EXOSC5: variants seen among roughly 807,000 people sequenced by gnomAD.
EXOSC5 encodes the protein exosome component 5.
In EXOSC5, 15 loss-of-function variants were observed where a neutral mutation model predicts 23.7. That is an observed-to-expected ratio of 0.63 (90% confidence interval 0.42 to 0.97). The LOEUF (loss-of-function observed/expected upper bound fraction) is 0.97. Ranked by LOEUF, EXOSC5 falls within the 50% of genes least tolerant of loss-of-function variation. The pLI, the probability that EXOSC5 is intolerant of heterozygous loss-of-function variation, is 0.00. For synonymous variants in EXOSC5, 143 were observed against 140.9 expected (o/e 1.02, Z -0.11); for missense variants, 305 against 316.3 (o/e 0.96, Z 0.27).
chr19:41,386,577 G>C lies in EXOSC5; in HGVS notation c.*56C>G, dbSNP rs1425068627. ...AGGCTGGGCTGCTGGTTTGCTTCAG[G>C]CTGTAGGGGGTGAGTGGGTGGAGGC... is the stretch of plus-strand genomic sequence containing the variant. On this transcript the variant is annotated 3_prime_UTR_variant, in exon 6 of 6. Coordinates refer to ENST00000221233, the MANE Select transcript of EXOSC5 (RefSeq NM_020158.4). The C allele has an allele frequency of 6.6e-7, 1 of 1,519,514 alleles. No individual in the cohort carries two copies. The allele number at this position is 1,519,514 out of a possible 1,614,324, so 94.1% of individuals were successfully genotyped here.
At chr19:41,390,696 G>C (rs2123222374) in intron 3 of EXOSC5, among the ~76,000 whole-genome samples, 1 of 152,266 alleles carries the variant, frequency 6.6e-6, no homozygotes, top group East Asian at 1.9e-4. Context: ...AGAGAGCACA[G>C]GTTGGGAGTC....
At position 41,391,860 on chromosome 19, in the gene EXOSC5, A is replaced by T. The variant is rs769484149; in HGVS notation, c.365T>A (p.Val122Asp). The T allele has an allele frequency of 2.1e-5, 32 of 1,528,732 alleles. No homozygotes were observed. Among genetic ancestry groups the T allele is most frequent in the African/African-American group, 5.8e-5 (4 of 69,150 alleles). 94.7% of individuals were successfully genotyped at this position (1,528,732 alleles called of 1,614,324 possible). ...PRTSITVVLQ[V>D]VSDAGSLLAC... Reference sequence around the variant, plus strand: ...GGATACAGAGCCGGCATCGCTGACAACCTGCAGCACCACGGTGATGGAGGT... The same window carrying T: ...GGATACAGAGCCGGCATCGCTGACATCCTGCAGCACCACGGTGATGGAGGT... The change falls in exon 3 of 6, where the codon GTT (valine) becomes GAT (aspartate). Residue 122 changes from valine to aspartate, a missense_variant. Physicochemically the swap from Val to Asp is radical, Grantham distance 152. Transcript: ENST00000221233.
intron 1 of EXOSC5, among the ~76,000 whole-genome samples, chr19:41,396,815 A>C (rs2039069797): frequency 9.0e-6 from 1 of 110,830 alleles, no homozygotes; most frequent in Non-Finnish European, 1.7e-5. Flanking sequence ...TCAGTCCGGG[A>C]TGCAAGGACC....
At chr19:41,387,752 CT>C (rs2038994833) in intron 4 of EXOSC5, 149 bp from the exon 5 acceptor site, 1 of 375,590 alleles carries the variant, frequency 2.7e-6, no homozygotes, top group South Asian at 8.3e-5. Context: ...AGGCCAGAAA[CT>C]CAAGACCAAT....
At position 41,386,703 on chromosome 19, in the gene EXOSC5, G is replaced by T; in HGVS notation, c.638C>A (p.Ala213Asp). 1 of 1,599,594 alleles carries T rather than the reference G, an allele frequency of 6.3e-7. No homozygotes were observed. Residue 213 changes from alanine (A) to aspartate (D), a missense_variant, in exon 6 of 6, where the codon GCC (alanine) becomes GAC (aspartate). Transcript: ENST00000221233. ...GAAGACGTGTTGCGAAGCGGCCTGG[G>T]CCGCAGCCAGGCACTGCTGGAGCTG... is the stretch of plus-strand genomic sequence containing the variant. The part of the protein sequence containing the change: ...DTELQQCLAA[A>D]QAASQHVFRF...
In EXOSC5 at chr19:41,397,320, C is replaced by G. The variant is rs1264931348; in HGVS notation, c.9G>C (p.Glu3Asp). The change falls in exon 1 of 6, where the codon GAG becomes GAC. Residue 3 changes from glutamate to aspartate, a missense_variant. Coordinates refer to ENST00000221233, the MANE Select transcript of EXOSC5 (RefSeq NM_020158.4). ...GGATTTTGGCGTCAGTATGCGTCTC[C>G]TCCTCCATCGCGCCGAGCCCACGTG... ME[E>D]ETHTDAKIRA... 1 of 1,612,466 alleles carries G rather than the reference C, an allele frequency of 6.2e-7. No homozygotes were observed.
intron 2 of EXOSC5, 27 bp from the exon 3 acceptor site, chr19:41,391,989 G>A (rs750516321): frequency 2.5e-6 from 4 of 1,568,996 alleles, no homozygotes; most frequent in Non-Finnish European, 1.7e-6. Context: ...GAGGTTCAGG[G>A]TCTTCCCCTT....
intron 4 of EXOSC5, among the ~76,000 whole-genome samples, 175 bp from the exon 5 acceptor site, chr19:41,387,778 G>A (rs967821007): frequency 2.1e-5 from 3 of 141,772 alleles, no homozygotes; most frequent in Admixed American, 7.2e-5. Context: ...GCAACAGAGG[G>A]AGACCCCATC....
chr19:41,394,074 G>A (rs1054215578), intron 1 of EXOSC5, among the ~76,000 whole-genome samples: 1 of 152,142 alleles, frequency 6.6e-6, no homozygotes, highest in African/African-American at 2.4e-5. Context: ...GGGTACAGGA[G>A]GTAAAACCTA....
rs2039078784 is a variant in EXOSC5 at position 41,397,285 on chromosome 19, T to C, written c.44A>G (p.Asn15Ser). ...THTDAKIRAENGTGSSPRGPG... is the reference protein window; with the variant it reads ...THTDAKIRAESGTGSSPRGPG... The stretch of plus-strand genomic sequence containing the variant: ...ACCCCGAGGGCTGGACCCTGTTCCA[T>C]TTTCAGCACGGATTTTGGCGTCAGT... Residue 15 changes from asparagine to serine, a missense_variant, in exon 1 of 6, where the codon AAT becomes AGT. Physicochemically the swap from Asn to Ser is conservative, Grantham distance 46 (BLOSUM62 1). Transcript: ENST00000221233. The C allele has an allele frequency of 4.3e-6, 7 of 1,613,918 alleles. No homozygotes were observed. The highest frequency in any genetic ancestry group is 5.9e-6 in the Non-Finnish European group (7 of 1,179,816).
chr19:41,396,816 T>G (rs964253937), intron 1 of EXOSC5, among the ~76,000 whole-genome samples: 35 of 108,886 alleles, frequency 3.2e-4, no homozygotes, highest in African/African-American at 1.2e-3. Context: ...CAGTCCGGGA[T>G]GCAAGGACCT....
At position 41,386,765 on chromosome 19, in the gene EXOSC5, T is replaced by G. The variant is rs1267696362; in HGVS notation, c.616-40A>C. 2.0e-6 allele frequency: 3 copies of G among 1,531,614 alleles called. No homozygotes were observed. The East Asian group carries it at 7.2e-5, about 37-fold the overall frequency. The allele number at this position is 1,531,614 out of a possible 1,614,324, so 94.9% of individuals were successfully genotyped here. On this transcript the variant is annotated intron_variant, in intron 5 of 5. Coordinates refer to ENST00000221233, the MANE Select transcript of EXOSC5 (RefSeq NM_020158.4). ...CTGGTCGGTGCTGGGGGCCGAGCCC[T>G]TCATGCACACACGACTTGGCTGACC...
chr19:41,392,081 C>A, intron 2 of EXOSC5, 119 bp from the exon 3 acceptor site: 1 of 1,411,892 alleles, frequency 7.1e-7, no homozygotes, highest in South Asian at 1.4e-5. Flanking sequence ...GTGCAGTTAC[C>A]TGCAGGGATG....
chr19:41,393,285 G>T (rs1473967295), intron 1 of EXOSC5, among the ~76,000 whole-genome samples: 1 of 152,182 alleles, frequency 6.6e-6, no homozygotes, highest in African/African-American at 2.4e-5. Context: ...AGGCATTCAG[G>T]CAGGGTCTCA....
rs1169030473 is a variant in EXOSC5 at position 41,392,937 on chromosome 19, C to T, written c.192G>A (p.Val64=). The T allele has an allele frequency of 2.5e-6, 4 of 1,613,582 alleles. No individual in the cohort carries two copies. In the East Asian group the frequency reaches 8.9e-5, roughly 36 times the overall value. The change falls in exon 2 of 6, where the codon GTG becomes GTA. Residue 64 remains valine, a synonymous_variant. Transcript: ENST00000221233. ...TGTTGAAAATCTCTTTGCTGACCTTCACCTCGGCCGGCCCGTACACACCCG... is the reference window on the plus strand; with the variant it reads ...TGTTGAAAATCTCTTTGCTGACCTTTACCTCGGCCGGCCCGTACACACCCG... ...VLAGVYGPAE[V]KVSKEIFNKA... is the part of the protein sequence containing the mutation.
intron 4 of EXOSC5, among the ~76,000 whole-genome samples, chr19:41,388,267 C>T (rs2038999175): frequency 6.6e-6 from 1 of 152,248 alleles, no homozygotes. Context: ...CCTCCCAGTC[C>T]CCCTTCCATG....
chr19:41,386,700 T>TGGGCCGCAGCCA lies in EXOSC5; in HGVS notation c.629_640dup (p.Leu210_Ala213dup). On this transcript the variant is annotated inframe_insertion, in exon 6 of 6. Coordinates refer to ENST00000221233, the MANE Select transcript of EXOSC5 (RefSeq NM_020158.4). ...ACGGAAGACGTGTTGCGAAGCGGCC[T>TGGGCCGCAGCCA]GGGCCGCAGCCAGGCACTGCTGGAG... 6.2e-7 allele frequency: 1 copy of TGGGCCGCAGCCA among 1,600,846 alleles called. No individual in the cohort carries two copies.
chr19:41,390,346 G>A (rs1568496775), intron 3 of EXOSC5, among the ~76,000 whole-genome samples: 1 of 152,234 alleles, frequency 6.6e-6, no homozygotes, highest in African/African-American at 2.4e-5. Flanking sequence ...GTATGGCAGA[G>A]TGGTTAAAAG....
rs115015681 is a variant in EXOSC5 at position 41,396,153 on chromosome 19, G to C, written c.148+1028C>G. 5.2e-3 allele frequency among the ~76,000 whole-genome samples: 791 copies of C among 152,154 alleles called. 11 individuals carry two copies. The highest frequency in any genetic ancestry group is 0.018 in the African/African-American group (746 of 41,504). On this transcript the variant is annotated intron_variant, in intron 1 of 5. Coordinates refer to ENST00000221233, the MANE Select transcript of EXOSC5 (RefSeq NM_020158.4). ...TACCTGTATGAGCACTTTGGGAGGA[G>C]GATTGCTTGAGCCCAGGAGTTCAAG...
Sources: allele counts gnomAD v4.1 joint callset (sites outside exome capture counted in the v4.1 genomes callset), GRCh38; gene constraint gnomAD v4.1.1; transcripts MANE v1.5; gene names NCBI Gene and HGNC (gene_info 2026-07-23, HGNC 2026-07-21).